Variants in PACSIN2 observed in about 807,000 individuals in gnomAD.
PACSIN2 encodes protein kinase C and casein kinase substrate in neurons 2.
In PACSIN2, 25 loss-of-function variants were observed where a neutral mutation model predicts 63.8. The ratio of observed to expected loss-of-function variants is 0.39; its 90% CI spans 0.29 to 0.55. PACSIN2 has a LOEUF of 0.55. Ranked by LOEUF, PACSIN2 falls within the 20% of genes least tolerant of loss-of-function variation. The pLI, the probability that PACSIN2 is intolerant of heterozygous loss-of-function variation, is 0.62. For missense variants in PACSIN2, 518 were observed against 646.9 expected (o/e 0.80, Z 2.16); for synonymous variants, 255 against 256.2 (o/e 1.00, Z 0.05).
intron 5 of PACSIN2, among the ~76,000 whole-genome samples, chr22:42,886,277 C>T (rs530753214): frequency 3.3e-5 from 5 of 152,326 alleles, no homozygotes; most frequent in African/African-American, 9.6e-5. Context: ...AAACAAGAGG[C>T]GGCCTTCACC....
chr22:42,933,924 TG>T (rs1450972062), intron 1 of PACSIN2, among the ~76,000 whole-genome samples: 1 of 152,196 alleles, frequency 6.6e-6, no homozygotes, highest in African/African-American at 2.4e-5. Flanking sequence ...ACAGAAACTA[TG>T]GAAGAAACTC....
intron 1 of PACSIN2, among the ~76,000 whole-genome samples, chr22:42,972,247 AG>A (rs1305758261): frequency 6.6e-6 from 1 of 152,236 alleles, no homozygotes; most frequent in African/African-American, 2.4e-5. Flanking sequence ...GTGTCCACTC[AG>A]GGTTAAATGG....
rs529511324 is a variant in PACSIN2 at position 42,949,529 on chromosome 22, A to T, written c.-77-37372T>A. On this transcript the variant is annotated intron_variant, in intron 1 of 10. Coordinates refer to ENST00000263246, the MANE Select transcript of PACSIN2 (RefSeq NM_001184970.3). ...ATAAACATTTCCAGTGACCACTTAT[A>T]AAGGGGAAAAATTAATGACAATTCT... is the stretch of plus-strand genomic sequence containing the variant. 2.6e-5 allele frequency among the ~76,000 whole-genome samples: 4 copies of T among 152,298 alleles called. No individual in the cohort carries two copies. The East Asian group carries it at 7.7e-4, about 29-fold the overall frequency.
chr22:43,010,408 A>AT (rs1555950833), intron 1 of PACSIN2, among the ~76,000 whole-genome samples: 1 of 120,544 alleles, frequency 8.3e-6, no homozygotes, highest in Non-Finnish European at 1.6e-5. Flanking sequence ...ATTTTTTTTT[A>AT]ATTGAAAATA....
At chr22:42,962,652 C>G (rs1920926195) in intron 1 of PACSIN2, among the ~76,000 whole-genome samples, 2 of 151,714 alleles carry the variant, frequency 1.3e-5, no homozygotes, top group Non-Finnish European at 1.5e-5. Context: ...AGCAGCCATT[C>G]ACAGTCCAAG....
intron 1 of PACSIN2, among the ~76,000 whole-genome samples, chr22:42,975,573 T>C (rs1017504232): frequency 6.7e-5 from 10 of 148,610 alleles, no homozygotes; most frequent in Admixed American, 3.4e-4. Flanking sequence ...TAAACAAAAA[T>C]AGAATATATT....
At chr22:42,933,844 T>C (rs1009484327) in intron 1 of PACSIN2, among the ~76,000 whole-genome samples, 3 of 152,190 alleles carry the variant, frequency 2.0e-5, no homozygotes, top group African/African-American at 4.8e-5. Flanking sequence ...TTGTAAGGAA[T>C]TGTAAATGTG....
chr22:42,901,023 T>A (rs1446653784), intron 2 of PACSIN2, among the ~76,000 whole-genome samples: 1 of 152,132 alleles, frequency 6.6e-6, no homozygotes, highest in Non-Finnish European at 1.5e-5. Flanking sequence ...GTCCCCACCA[T>A]ATGCCAACAA....
intron 1 of PACSIN2, among the ~76,000 whole-genome samples, chr22:42,938,726 C>T (rs1473594147): frequency 1.3e-5 from 2 of 152,220 alleles, no homozygotes; most frequent in African/African-American, 2.4e-5. Context: ...TCTCCCACTC[C>T]ACCTGGAGCT....
chr22:42,955,131 C>T (rs1449917328), intron 1 of PACSIN2, among the ~76,000 whole-genome samples: 3 of 152,140 alleles, frequency 2.0e-5, no homozygotes, highest in Non-Finnish European at 2.9e-5. Flanking sequence ...TTAAGACTCA[C>T]CACCCTGCTG....
chr22:42,958,960 C>G (rs1184231149), intron 1 of PACSIN2, among the ~76,000 whole-genome samples: 1 of 152,168 alleles, frequency 6.6e-6, no homozygotes, highest in East Asian at 1.9e-4. Context: ...AATATGACTT[C>G]TAAGAAACAA....
chr22:42,946,525 G>C (rs959341352), intron 1 of PACSIN2, among the ~76,000 whole-genome samples: 1 of 152,170 alleles, frequency 6.6e-6, no homozygotes, highest in Non-Finnish European at 1.5e-5. Flanking sequence ...ACTCCAGCCT[G>C]GGGGAAAGAG....
intron 4 of PACSIN2, among the ~76,000 whole-genome samples, chr22:42,889,894 GTTCT>G (rs900879215): frequency 5.9e-5 from 9 of 151,546 alleles, no homozygotes; most frequent in African/African-American, 1.5e-4. Context: ...ATGTAAACTA[GTTCT>G]TTCTATCGTC....
At position 42,884,432 on chromosome 22, in the gene PACSIN2, C is replaced by A; in HGVS notation, c.739G>T (p.Val247Phe). 1 of 1,614,240 alleles carries A rather than the reference C, an allele frequency of 6.2e-7. No individual in the cohort carries two copies. Among genetic ancestry groups the A allele is most frequent in the Non-Finnish European group, 8.5e-7 (1 of 1,180,040 alleles). The change falls in exon 6 of 11, where the codon GTT (valine) becomes TTT (phenylalanine). Residue 247 changes from valine to phenylalanine, a missense_variant. Physicochemically the swap from Val to Phe is conservative, Grantham distance 50. Transcript: ENST00000263246. ...EEKRLRFFRE[V>F]LLEVQKHLDL... ...AGGTGCTTCTGAACCTCCAGCAGAA[C>A]CTCCCGGAAGAAGCGAAGGCGTTTC...
chr22:42,939,082 G>A (rs536893018), intron 1 of PACSIN2, among the ~76,000 whole-genome samples: 2 of 152,176 alleles, frequency 1.3e-5, no homozygotes, highest in African/African-American at 2.4e-5. Flanking sequence ...AAGGTCACCC[G>A]TCCCAGCGCA....
Position 42,937,170 on chromosome 22 carries a change from C to T in PACSIN2, c.-77-25013G>A, listed in dbSNP as rs528116723. Among the ~76,000 whole-genome samples the T allele has an allele frequency of 1.1e-4, 17 of 152,076 alleles. No homozygotes were observed. In the South Asian group the frequency reaches 3.5e-3, roughly 32 times the overall value. On this transcript the variant is annotated intron_variant, in intron 1 of 10. Coordinates refer to ENST00000263246, the MANE Select transcript of PACSIN2 (RefSeq NM_001184970.3). Reference sequence around the variant, plus strand: ...AGCAGGTGCTATGCAGAGAAATAAGCGAGGATGAGATAGGGAGGAGACAGA... The same window carrying T: ...AGCAGGTGCTATGCAGAGAAATAAGTGAGGATGAGATAGGGAGGAGACAGA...
In PACSIN2 at chr22:42,915,648, A is replaced by G. The variant is rs542047905; in HGVS notation, c.-77-3491T>C. On this transcript the variant is annotated intron_variant, in intron 1 of 10. Transcript: ENST00000263246. The stretch of plus-strand genomic sequence containing the variant: ...ACAAATCTGTCACCTTCCAACTTAG[A>G]CATTCTCCGAGATTATATACATCTT... 2.6e-5 allele frequency among the ~76,000 whole-genome samples: 4 copies of G among 152,352 alleles called. No individual in the cohort carries two copies. In the South Asian group the frequency reaches 8.3e-4, roughly 32 times the overall value.
intron 1 of PACSIN2, among the ~76,000 whole-genome samples, chr22:42,991,707 A>G (rs544638237): frequency 7.2e-4 from 109 of 152,238 alleles, no homozygotes; most frequent in African/African-American, 2.5e-3. Context: ...CCAAGGGCTC[A>G]GAACCACAAT....
At chr22:42,937,342 AG>A (rs1932958338) in intron 1 of PACSIN2, among the ~76,000 whole-genome samples, 1 of 152,100 alleles carries the variant, frequency 6.6e-6, no homozygotes, top group Non-Finnish European at 1.5e-5. Flanking sequence ...GGCATGTCTG[AG>A]GCACAGAAAG....
Sources: allele counts gnomAD v4.1 joint callset (sites outside exome capture counted in the v4.1 genomes callset), GRCh38; gene constraint gnomAD v4.1.1; transcripts MANE v1.5; gene names NCBI Gene and HGNC (gene_info 2026-07-23, HGNC 2026-07-21).